The following MTUS1 variants were observed in gnomAD, a reference collection of about 807,000 sequenced individuals.
MTUS1 encodes microtubule-associated tumor suppressor 1.
MTUS1 carries 109 observed loss-of-function variants against 120.8 expected under a neutral mutation model. The ratio of observed to expected loss-of-function variants is 0.90; its 90% CI spans 0.77 to 1.06. The LOEUF is 1.06. Ranked by LOEUF, MTUS1 falls within the 50% of genes least tolerant of loss-of-function variation. The pLI is 0.00. For missense variants in MTUS1, 2,210 were observed against 1,486.3 expected (o/e 1.49, Z -8.01); for synonymous variants, 737 against 550.5 (o/e 1.34, Z -4.74).
At chr8:17,685,959 C>A (rs893943310) in intron 6 of MTUS1, among the ~76,000 whole-genome samples, 1 of 152,036 alleles carries the variant, frequency 6.6e-6, no homozygotes, top group Non-Finnish European at 1.5e-5. Context: ...GAAGGAAGAA[C>A]AAATTATTAG....
intron 6 of MTUS1, among the ~76,000 whole-genome samples, chr8:17,698,617 C>G (rs1272893491): frequency 6.6e-6 from 1 of 152,096 alleles, no homozygotes; most frequent in African/African-American, 2.4e-5. Context: ...CTATTAAGTG[C>G]TATTAAAACT....
At position 17,755,813 on chromosome 8, in the gene MTUS1, A is replaced by T; in HGVS notation, c.-6T>A. 2 of 1,608,800 alleles carry T rather than the reference A, an allele frequency of 1.2e-6. No individual in the cohort carries two copies. Among genetic ancestry groups the T allele is most frequent in the South Asian group, 2.2e-5 (2 of 90,306 alleles). On this transcript the variant is annotated 5_prime_UTR_variant, in exon 2 of 15. Transcript: ENST00000693296. ...TCTGAATTATCATCAGTCATCCTGA[A>T]TAGTAACCTTAAACCTCTGCCATTT...
intron 2 of MTUS1, among the ~76,000 whole-genome samples, chr8:17,747,029 T>C (rs770682797): frequency 2.6e-5 from 4 of 152,202 alleles, no homozygotes; most frequent in Non-Finnish European, 4.4e-5. Flanking sequence ...ATCTTTCTGG[T>C]CTCTCCAGCT....
At chr8:17,676,904 T>C (rs117736438) in intron 7 of MTUS1, among the ~76,000 whole-genome samples, 7,470 of 152,330 alleles carry the variant, frequency 0.049, 248 homozygotes, top group Middle Eastern at 0.13. Context: ...TCTGAAGTGC[T>C]GATCTGAGAG....
At chr8:17,766,635 G>T (rs571466517) in intron 1 of MTUS1, among the ~76,000 whole-genome samples, 1 of 152,212 alleles carries the variant, frequency 6.6e-6, no homozygotes, top group Non-Finnish European at 1.5e-5. Flanking sequence ...AGGAGCCTGT[G>T]TAAGAAAGTA....
chr8:17,764,367 T>C (rs1024128567), intron 1 of MTUS1, among the ~76,000 whole-genome samples: 6 of 151,368 alleles, frequency 4.0e-5, no homozygotes, highest in African/African-American at 1.5e-4. Flanking sequence ...AAAATGGTAA[T>C]TTCTATGCAC....
At chr8:17,723,403 T>G in intron 4 of MTUS1, 1 of 491,868 alleles carries the variant, frequency 2.0e-6, no homozygotes, top group Admixed American at 3.2e-5. Flanking sequence ...ATCCCCTGGG[T>G]TGCTACTCTT....
chr8:17,657,395 C>T lies in MTUS1; in HGVS notation c.2906-1330G>A, dbSNP rs771723458. On this transcript the variant is annotated intron_variant, in intron 8 of 14. Transcript: ENST00000693296. ...CATCCCGGCTAAAACGGTGAAACCC[C>T]GTCTCTACTAAAAATACAAAAAATT... Among the ~76,000 whole-genome samples the T allele has an allele frequency of 2.2e-4, 33 of 150,992 alleles. No homozygotes were observed. In the Middle Eastern group the frequency reaches 0.014, roughly 62 times the overall value.
chr8:17,709,924 G>A (rs754150556), intron 6 of MTUS1, among the ~76,000 whole-genome samples: 15 of 151,796 alleles, frequency 9.9e-5, no homozygotes, highest in Middle Eastern at 3.4e-3. Context: ...GGAGAATGGC[G>A]TGAACCCGGG....
intron 3 of MTUS1, among the ~76,000 whole-genome samples, chr8:17,731,781 G>C (rs964345963): frequency 1.3e-5 from 2 of 152,148 alleles, no homozygotes; most frequent in South Asian, 2.1e-4. Context: ...ATGAAACAAT[G>C]AATACAAAGA....
At chr8:17,647,130 C>G in intron 13 of MTUS1, 51 bp from the exon 14 acceptor site, 1 of 1,446,590 alleles carries the variant, frequency 6.9e-7, no homozygotes, top group Non-Finnish European at 9.6e-7. Flanking sequence ...AAAAAAAACC[C>G]CTCATTTCTT....
At chr8:17,747,758 G>A (rs1247230066) in intron 2 of MTUS1, among the ~76,000 whole-genome samples, 3 of 152,102 alleles carry the variant, frequency 2.0e-5, no homozygotes, top group East Asian at 1.9e-4. Context: ...TTTTTACGCT[G>A]CTTATAAAGA....
intron 5 of MTUS1, 135 bp from the exon 6 acceptor site, chr8:17,713,387 G>T (rs750019321): frequency 1.2e-5 from 7 of 605,058 alleles, no homozygotes; most frequent in Non-Finnish European, 2.0e-5. Flanking sequence ...AAATATCACC[G>T]AGATTCAACC....
intron 6 of MTUS1, among the ~76,000 whole-genome samples, chr8:17,696,330 A>C (rs435126): frequency 0.048 from 7,370 of 152,198 alleles, 581 homozygotes; most frequent in African/African-American, 0.17. Context: ...TAGTCAGCTG[A>C]AAACAAATCA....
At chr8:17,704,303 C>G (rs1351229043) in intron 6 of MTUS1, 1 of 152,162 alleles carries the variant, frequency 6.6e-6, no homozygotes, top group Non-Finnish European at 1.5e-5. Flanking sequence ...GTACTCCAAC[C>G]TGTCTATTTT....
intron 4 of MTUS1, among the ~76,000 whole-genome samples, chr8:17,717,379 A>G (rs1822543018): frequency 6.6e-6 from 1 of 152,200 alleles, no homozygotes; most frequent in Admixed American, 6.5e-5. Context: ...AACCCTTTTT[A>G]GATGTTCATA....
At chr8:17,716,061 T>A (rs1311205210) in intron 4 of MTUS1, among the ~76,000 whole-genome samples, 160 bp from the exon 5 acceptor site, 1 of 152,186 alleles carries the variant, frequency 6.6e-6, no homozygotes, top group Non-Finnish European at 1.5e-5. Context: ...AACAGGTAGC[T>A]TGTGTCTCAG....
At chr8:17,669,194 G>C (rs1444637133) in intron 8 of MTUS1, among the ~76,000 whole-genome samples, 2 of 152,220 alleles carry the variant, frequency 1.3e-5, no homozygotes, top group Admixed American at 6.5e-5. Context: ...AAGCACACTA[G>C]AAGGCACAGT....
At position 17,755,891 on chromosome 8, in the gene MTUS1, T is replaced by C; in HGVS notation, c.-84A>G. ...AGAGGGTGGGCAAAATGGTCTGTCTTCTAGGTTTTTCAGCACAGTTGAAAG... is the reference window on the plus strand; with the variant it reads ...AGAGGGTGGGCAAAATGGTCTGTCTCCTAGGTTTTTCAGCACAGTTGAAAG... On this transcript the variant is annotated 5_prime_UTR_variant, in exon 2 of 15. Transcript: ENST00000693296. 1 of 1,507,050 alleles carries C rather than the reference T, an allele frequency of 6.6e-7. No individual in the cohort carries two copies. The highest frequency in any genetic ancestry group is 2.3e-5 in the East Asian group (1 of 44,166). The allele number at this position is 1,507,050 out of a possible 1,614,324, so 93.4% of individuals were successfully genotyped here.
Sources: gnomAD v4.1 joint callset for allele counts (sites outside exome capture counted in the v4.1 genomes callset) on GRCh38, gnomAD v4.1.1 for gene constraint, MANE v1.5 for transcripts, NCBI Gene and HGNC (gene_info 2026-07-23, HGNC 2026-07-21) for gene names.